HNRNPL: variants seen among roughly 807,000 people sequenced by gnomAD.
HNRNPL encodes epididymis secretory sperm binding protein.
A neutral mutation model predicts 64.0 loss-of-function variants in HNRNPL; 12 were observed. The observed-to-expected ratio is 0.19, with a 90% CI of 0.12 to 0.30. HNRNPL has a LOEUF of 0.30. HNRNPL is among the 10% of genes least tolerant of loss of function. The pLI is 1.00. For missense variants in HNRNPL, 484 were observed against 797.4 expected (o/e 0.61, Z 4.73); for synonymous variants, 385 against 313.0 (o/e 1.23, Z -2.43).
Position 38,849,890 on chromosome 19 carries a change from C to CGCTGCTCGTCCG in HNRNPL, c.65_76dup (p.Pro22_Gln25dup). The CGCTGCTCGTCCG allele has an allele frequency of 8.0e-7, 1 of 1,251,062 alleles. No homozygotes were observed. Among genetic ancestry groups the CGCTGCTCGTCCG allele is most frequent in the Non-Finnish European group, 1.1e-6 (1 of 889,632 alleles). 77.5% of individuals were successfully genotyped at this position (1,251,062 alleles called of 1,614,324 possible). A position where few individuals can be genotyped will look rare whatever the true frequency, so the allele number is the denominator to read the frequency against. On this transcript the variant is annotated inframe_insertion, in exon 1 of 13. Coordinates refer to ENST00000221419, the MANE Select transcript of HNRNPL (RefSeq NM_001533.3). ...CTTCACCATCGCTCCCGACCGCCTC[C>CGCTGCTCGTCCG]GCTGCTCGTCCGGCTGCTGCCTCTG...
intron 6 of HNRNPL, 114 bp from the exon 7 acceptor site, chr19:38,840,673 T>G: frequency 1.2e-6 from 1 of 820,596 alleles, no homozygotes; most frequent in Non-Finnish European, 2.0e-6. Context: ...AAGCCCTCCC[T>G]TCCTCGAGGG....
chr19:38,849,646 G>C, intron 1 of HNRNPL, 54 bp downstream of exon 1: 2 of 1,303,552 alleles, frequency 1.5e-6, no homozygotes, highest in Non-Finnish European at 1.9e-6. Context: ...CCCTCAAGCT[G>C]GGAAATTGTC....
At chr19:38,840,723 T>G (rs1471131583) in intron 6 of HNRNPL, 164 bp from the exon 7 acceptor site, 7 of 641,824 alleles carry the variant, frequency 1.1e-5, no homozygotes, top group African/African-American at 5.6e-5. Context: ...ACGGCGGGCA[T>G]GAAGCCCGAG....
chr19:38,842,750 G>A (rs998223955), intron 6 of HNRNPL, among the ~76,000 whole-genome samples: 1 of 151,122 alleles, frequency 6.6e-6, no homozygotes, highest in Non-Finnish European at 1.5e-5. Context: ...GTTTTTTTTT[G>A]GGCCCCAGCC....
At position 38,837,625 on chromosome 19, in the gene HNRNPL, C is replaced by T. The variant is rs768395285; in HGVS notation, c.1584G>A (p.Arg528=). Residue 528 remains arginine, a synonymous_variant, in exon 11 of 13, where the codon CGG becomes CGA. Transcript: ENST00000221419. The part of the protein sequence containing the change: ...FEICDELGVK[R]PSSVKVFSGK... ...CTGAGAATACTTTCACAGAAGATGG[C>T]CGCTTCACTCCCAGCTCATCGCAGA... 3.7e-6 allele frequency: 6 copies of T among 1,614,098 alleles called. No individual in the cohort carries two copies. In the East Asian group the frequency reaches 1.3e-4, roughly 36 times the overall value.
Position 38,837,586 on chromosome 19 carries a change from C to G in HNRNPL, c.1615+8G>C. 6.2e-7 allele frequency: 1 copy of G among 1,614,134 alleles called. No individual in the cohort carries two copies. The highest frequency in any genetic ancestry group is 8.5e-7 in the Non-Finnish European group (1 of 1,179,946). The stretch of plus-strand genomic sequence containing the variant: ...ATTAGGGCAAGGAGGTGGGCACACT[C>G]GACTCACTTTTGCCTGAGAATACTT... On this transcript the variant is annotated splice_region_variant and intron_variant, in intron 11 of 12. Transcript: ENST00000221419.
Position 38,836,731 on chromosome 19 carries a change from G to A in HNRNPL, c.1761C>T (p.His587=), listed in dbSNP as rs748201091. 25 of 1,610,698 alleles carry A rather than the reference G, an allele frequency of 1.6e-5. No individual in the cohort carries two copies. Among genetic ancestry groups the A allele is most frequent in the East Asian group, 6.7e-5 (3 of 44,820 alleles). The change falls in exon 13 of 13, where the codon CAC becomes CAT. Residue 587 remains histidine, a synonymous_variant. Transcript: ENST00000221419. The part of the protein sequence containing the change: ...TLKLCFSTAQ[H]AS ...CTTCCTAGGCACCTAATTAGGAGGC[G>A]TGCTGAGCAGTGGAGAAACACAACT...
At chr19:38,848,560 A>T (rs1972383130) in intron 1 of HNRNPL, among the ~76,000 whole-genome samples, 1 of 152,174 alleles carries the variant, frequency 6.6e-6, no homozygotes, top group South Asian at 2.1e-4. Context: ...CCTGTCTGAG[A>T]ATCACTGGGC....
intron 2 of HNRNPL, among the ~76,000 whole-genome samples, chr19:38,846,366 G>A (rs1453412156): frequency 2.0e-5 from 3 of 152,180 alleles, no homozygotes; most frequent in Non-Finnish European, 4.4e-5. Context: ...CACTATGACA[G>A]TGCAAATCAC....
intron 1 of HNRNPL, chr19:38,849,370 C>A (rs893724376): frequency 7.7e-5 from 21 of 273,024 alleles, no homozygotes; most frequent in African/African-American, 4.6e-4. Context: ...ATGGAGCCAG[C>A]GAAGAAAATG....
chr19:38,844,223 G>A, intron 4 of HNRNPL, 119 bp from the exon 5 acceptor site: 1 of 680,686 alleles, frequency 1.5e-6, no homozygotes, highest in Non-Finnish European at 2.6e-6. Context: ...GGAAGCTTTG[G>A]GATTAGCTCA....
At position 38,836,788 on chromosome 19, in the gene HNRNPL, G is replaced by A; in HGVS notation, c.1712-8C>T. On this transcript the variant is annotated splice_region_variant and splice_polypyrimidine_tract_variant and intron_variant, in intron 12 of 12. Transcript: ENST00000221419. Reference sequence around the variant, plus strand: ...TGTAAGGGTATGGACCATCTGCAAAGGAGAGACAAGTTTGGTTGGTTCCCG... The same window carrying A: ...TGTAAGGGTATGGACCATCTGCAAAAGAGAGACAAGTTTGGTTGGTTCCCG... 1 of 1,609,754 alleles carries A rather than the reference G, an allele frequency of 6.2e-7. No individual in the cohort carries two copies. Among genetic ancestry groups the A allele is most frequent in the Non-Finnish European group, 8.5e-7 (1 of 1,178,024 alleles).
chr19:38,849,281 G>A (rs1428017347), intron 1 of HNRNPL: 1 of 194,614 alleles, frequency 5.1e-6, no homozygotes, highest in Non-Finnish European at 1.0e-5. Flanking sequence ...TAGAGAACAA[G>A]GCCGCCGCCC....
Position 38,840,571 on chromosome 19 carries a change from G to C in HNRNPL, c.881-12C>G, listed in dbSNP as rs756615008. 6.4e-7 allele frequency: 1 copy of C among 1,572,388 alleles called. No homozygotes were observed. Among genetic ancestry groups the C allele is most frequent in the African/African-American group, 1.4e-5 (1 of 73,926 alleles). ...GCTGCCAGGGTCACCTGTGGAGAGA[G>C]AAAACAGTTAGGAGTCTCACTCAGA... On this transcript the variant is annotated splice_polypyrimidine_tract_variant and intron_variant, in intron 6 of 12. Coordinates refer to ENST00000221419, the MANE Select transcript of HNRNPL (RefSeq NM_001533.3).
chr19:38,837,156 C>T, intron 12 of HNRNPL: 1 of 586,342 alleles, frequency 1.7e-6, no homozygotes, highest in Non-Finnish European at 3.0e-6. Context: ...GGAGGACAAG[C>T]CTGAGCAACT....
In HNRNPL at chr19:38,836,650, C is replaced by G. The variant is rs373027911; in HGVS notation, c.*72G>C. The G allele has an allele frequency of 1.8e-5, 6 of 329,610 alleles. No individual in the cohort carries two copies. Among genetic ancestry groups the G allele is most frequent in the African/African-American group, 4.2e-5 (1 of 23,782 alleles). 20.4% of individuals were successfully genotyped at this position (329,610 alleles called of 1,614,324 possible). A position where few individuals can be genotyped will look rare whatever the true frequency, so the allele number is the denominator to read the frequency against. On this transcript the variant is annotated 3_prime_UTR_variant, in exon 13 of 13. Transcript: ENST00000221419. ...GGAATACAAGATCTTTTGCAAATAACAAAAACAAAAAATGGCATAAAGGAA... is the reference window on the plus strand; with the variant it reads ...GGAATACAAGATCTTTTGCAAATAAGAAAAACAAAAAATGGCATAAAGGAA...
chr19:38,837,057 G>A (rs1487838385), intron 12 of HNRNPL: 1 of 541,892 alleles, frequency 1.8e-6, no homozygotes, highest in South Asian at 2.5e-5. Flanking sequence ...AGTTTTACCT[G>A]CTGGATAGTG....
At chr19:38,848,241 C>T (rs1403262019) in intron 1 of HNRNPL, among the ~76,000 whole-genome samples, 3 of 152,140 alleles carry the variant, frequency 2.0e-5, no homozygotes, top group Non-Finnish European at 2.9e-5. Flanking sequence ...CAGGCCCTCG[C>T]CACCACACCT....
intron 12 of HNRNPL, 123 bp from the exon 13 acceptor site, chr19:38,836,903 T>C (rs1387888608): frequency 3.1e-6 from 2 of 654,314 alleles, no homozygotes; most frequent in Non-Finnish European, 2.7e-6. Flanking sequence ...AAGGAGTGAC[T>C]GCCCAACGTG....
Sources: allele counts gnomAD v4.1 joint callset (sites outside exome capture counted in the v4.1 genomes callset), GRCh38; gene constraint gnomAD v4.1.1; transcripts MANE v1.5; gene names NCBI Gene and HGNC (gene_info 2026-07-23, HGNC 2026-07-21).